NANOS3: variants seen among roughly 807,000 people sequenced by gnomAD.
NANOS3 encodes the protein nanos homolog 3.
NANOS3 carries 11 observed loss-of-function variants against 13.8 expected under a neutral mutation model. The observed-to-expected ratio is 0.80, with a 90% CI of 0.50 to 1.32. The LOEUF (loss-of-function observed/expected upper bound fraction) is 1.32, where lower values mean the gene tolerates loss of function less well. NANOS3 is among the 40% of genes most tolerant of loss of function. The probability of loss-of-function intolerance (pLI) is 0.00; values close to 1 mark genes in which losing one functional copy is unlikely to be tolerated. For synonymous variants in NANOS3, 119 were observed against 115.4 expected (o/e 1.03, Z -0.20); for missense variants, 221 against 263.8 (o/e 0.84, Z 1.12).
At chr19:13,867,228 G>C (rs539600265) in intron 1 of NANOS3, among the ~76,000 whole-genome samples, 1 of 151,976 alleles carries the variant, frequency 6.6e-6, no homozygotes, top group South Asian at 2.1e-4. Flanking sequence ...GGTGTGAACC[G>C]CCGCACCCGG....
intron 1 of NANOS3, among the ~76,000 whole-genome samples, chr19:13,879,735 A>G (rs1968592377): frequency 6.6e-6 from 1 of 151,954 alleles, no homozygotes; most frequent in Non-Finnish European, 1.5e-5. Flanking sequence ...CTTAAAAAAA[A>G]AAAAAAGCAC....
At chr19:13,873,130 G>A (rs984624001), upstream of NANOS3, among the ~76,000 whole-genome samples, 4 of 152,102 alleles carry the variant, frequency 2.6e-5, no homozygotes, top group African/African-American at 9.7e-5. Flanking sequence ...CTGGCTTAGG[G>A]GTTTGGCGGT....
chr19:13,869,708 G>A (rs1279277859), intron 1 of NANOS3, among the ~76,000 whole-genome samples: 1 of 151,296 alleles, frequency 6.6e-6, no homozygotes, highest in African/African-American at 2.4e-5. Context: ...TGTCTGCCAG[G>A]TCCTGACGAC....
At chr19:13,876,925 C>CG (rs1390658528), upstream of NANOS3, among the ~76,000 whole-genome samples, 4 of 152,076 alleles carry the variant, frequency 2.6e-5, no homozygotes, top group East Asian at 1.9e-4. Context: ...GAGGTGTGTA[C>CG]GGGGGGCTGT....
At chr19:13,865,005 G>C (rs1362744821), upstream of NANOS3, among the ~76,000 whole-genome samples, 1 of 152,052 alleles carries the variant, frequency 6.6e-6, no homozygotes, top group East Asian at 1.9e-4. Flanking sequence ...GTGCGTCTGG[G>C]TCCCTGCGTG....
At chr19:13,863,244 C>T (rs547202258), upstream of NANOS3, among the ~76,000 whole-genome samples, 3 of 152,238 alleles carry the variant, frequency 2.0e-5, no homozygotes, top group South Asian at 6.2e-4. Flanking sequence ...AAGTCTCTGT[C>T]TGTTGCACAG....
At chr19:13,869,152 G>C (rs538461223) in intron 1 of NANOS3, among the ~76,000 whole-genome samples, 3 of 152,136 alleles carry the variant, frequency 2.0e-5, no homozygotes, top group African/African-American at 4.8e-5. Flanking sequence ...CAGTAGAAGT[G>C]TCTGAATTTC....
intron 1 of NANOS3, among the ~76,000 whole-genome samples, chr19:13,867,465 G>T (rs143596656): frequency 6.7e-6 from 1 of 148,890 alleles, no homozygotes; most frequent in Non-Finnish European, 1.5e-5. Context: ...GAGTTTTGCC[G>T]GTTGCCCAGG....
chr19:13,863,025 G>A (rs1976180676), upstream of NANOS3, among the ~76,000 whole-genome samples: 1 of 152,214 alleles, frequency 6.6e-6, no homozygotes, highest in African/African-American at 2.4e-5. Context: ...TCTACCCTGG[G>A]CCCACCCTTC....
intron 1 of NANOS3, among the ~76,000 whole-genome samples, chr19:13,867,198 C>G (rs1214314933): frequency 6.6e-6 from 1 of 152,124 alleles, no homozygotes; most frequent in Non-Finnish European, 1.5e-5. Context: ...GCTTCAGCCT[C>G]CCAAAGTGCT....
upstream of NANOS3, chr19:13,874,837 T>A (rs920050349): frequency 1.9e-6 from 1 of 527,846 alleles, no homozygotes; most frequent in Non-Finnish European, 3.9e-6. Context: ...CTTCCAGATC[T>A]AGGGGGGCCT....
At chr19:13,870,917 A>C (rs1462283938) in intron 1 of NANOS3, among the ~76,000 whole-genome samples, 2 of 150,892 alleles carry the variant, frequency 1.3e-5, no homozygotes, top group African/African-American at 4.9e-5. Flanking sequence ...CCCACACCCC[A>C]CTTATCCCCA....
chr19:13,876,206 T>G (rs1346928692), upstream of NANOS3, among the ~76,000 whole-genome samples: 2 of 152,296 alleles, frequency 1.3e-5, no homozygotes, highest in African/African-American at 4.8e-5. Context: ...TGGCTTGATC[T>G]TGGCTCACCG....
chr19:13,875,208 AC>A (rs1386660843), upstream of NANOS3, among the ~76,000 whole-genome samples: 28 of 149,262 alleles, frequency 1.9e-4, no homozygotes, highest in Non-Finnish European at 1.5e-4. Context: ...TTTTTTTAAG[AC>A]AGAGTCTCAC....
intron 1 of NANOS3, among the ~76,000 whole-genome samples, chr19:13,878,266 T>G (rs1195731588): frequency 2.6e-5 from 4 of 151,270 alleles, no homozygotes; most frequent in Non-Finnish European, 4.4e-5. Flanking sequence ...TGAGACAGAG[T>G]CTCTTTCTGT....
At chr19:13,873,524 A>G (rs1968438497), upstream of NANOS3, among the ~76,000 whole-genome samples, 1 of 152,008 alleles carries the variant, frequency 6.6e-6, no homozygotes, top group South Asian at 2.1e-4. Flanking sequence ...GCTGGAATAC[A>G]GTGGCGCGAT....
At chr19:13,862,472 C>T (rs185920428), upstream of NANOS3, among the ~76,000 whole-genome samples, 2 of 152,026 alleles carry the variant, frequency 1.3e-5, no homozygotes, top group East Asian at 1.9e-4. Flanking sequence ...GACAGCTGGC[C>T]GGTCCTGGAG....
At chr19:13,879,760 C>T (rs2145084159) in intron 1 of NANOS3, among the ~76,000 whole-genome samples, 1 of 150,088 alleles carries the variant, frequency 6.7e-6, no homozygotes, top group South Asian at 2.1e-4. Flanking sequence ...CATGGTGGCT[C>T]ATGCCTGTAA....
chr19:13,864,487 A>G (rs1222843768), upstream of NANOS3, among the ~76,000 whole-genome samples: 3 of 151,910 alleles, frequency 2.0e-5, no homozygotes, highest in Non-Finnish European at 2.9e-5. Flanking sequence ...GTGGCTGTGC[A>G]TATATGTGTG....
Sources: gnomAD v4.1 joint callset for allele counts (sites outside exome capture counted in the v4.1 genomes callset) on GRCh38, gnomAD v4.1.1 for gene constraint, MANE v1.5 for transcripts, NCBI Gene and HGNC (gene_info 2026-07-23, HGNC 2026-07-21) for gene names.